The following ENOX2 variants were observed in gnomAD, a reference collection of about 807,000 sequenced individuals.
ENOX2 encodes ecto-NOX disulfide-thiol exchanger 2, also known as APK1 antigen.
Under a neutral mutation model 45.0 loss-of-function variants are expected in ENOX2, and 36 were observed. The ratio of observed to expected loss-of-function variants is 0.80; its 90% CI spans 0.61 to 1.06. The LOEUF (loss-of-function observed/expected upper bound fraction) is 1.06. Among genes scored for constraint, ENOX2 ranks in the 50% least tolerant of loss-of-function variants. ENOX2 has a pLI of 0.00. For missense variants in ENOX2, 423 were observed against 462.5 expected, an observed-to-expected ratio of 0.91 and a Z score of 0.78; for synonymous variants, 174 against 152.3, an observed-to-expected ratio of 1.14 and a Z score of -1.05.
intron 10 of ENOX2, among the ~76,000 whole-genome samples, chrX:130,638,801 A>G (rs1365239894): frequency 9.0e-6 from 1 of 111,270 alleles, no homozygotes; most frequent in Non-Finnish European, 1.9e-5. Flanking sequence ...TGTAATTAAC[A>G]AATTGCTGGA....
chrX:130,810,638 G>A (rs1049744025), intron 2 of ENOX2, among the ~76,000 whole-genome samples: 10 of 112,357 alleles, frequency 8.9e-5, no homozygotes, highest in African/African-American at 3.2e-4. Context: ...CAGGCACTAG[G>A]CTAGACCCCA....
chrX:130,767,250 G>T (rs2039638066), intron 3 of ENOX2, among the ~76,000 whole-genome samples: 1 of 111,268 alleles, frequency 9.0e-6, no homozygotes, highest in Non-Finnish European at 1.9e-5. Flanking sequence ...TTTATTATCT[G>T]CCCCACTCAC....
At chrX:130,862,005 CAGT>C (rs2148537626) in intron 2 of ENOX2, among the ~76,000 whole-genome samples, 1 of 111,752 alleles carries the variant, frequency 8.9e-6, no homozygotes, top group South Asian at 3.8e-4. Context: ...ACAAAAAAGA[CAGT>C]AGCCAGCATA....
At chrX:130,787,736 A>C (rs1452480428) in intron 2 of ENOX2, among the ~76,000 whole-genome samples, 3 of 112,095 alleles carry the variant, frequency 2.7e-5, no homozygotes, top group Non-Finnish European at 5.6e-5. Context: ...CACCAAATTA[A>C]GACTGAGATT....
intron 3 of ENOX2, among the ~76,000 whole-genome samples, chrX:130,769,020 G>A (rs911201882): frequency 1.8e-5 from 2 of 111,207 alleles, no homozygotes; most frequent in African/African-American, 3.3e-5. Context: ...AAAGGAAAAT[G>A]CACCCTCCGC....
Position 130,783,548 on chromosome X carries a change from T to G in ENOX2, c.-40A>C. ...ACAGTGCATTATCACCTAGCTTACC[T>G]GAAGGAGTATTTGTTCTCTTTCTTT... On this transcript the variant is annotated splice_region_variant and 5_prime_UTR_variant, in exon 3 of 15. Transcript: ENST00000394363. 6.1e-6 allele frequency: 2 copies of G among 330,291 alleles called. No individual in the cohort carries two copies. The highest frequency in any genetic ancestry group is 1.2e-5 in the Non-Finnish European group (2 of 169,709). The allele number at this position is 330,291 out of a possible 1,213,427, so 27.2% of individuals were successfully genotyped here.
intron 2 of ENOX2, among the ~76,000 whole-genome samples, chrX:130,787,690 T>A (rs781582718): frequency 8.9e-6 from 1 of 112,083 alleles, no homozygotes; most frequent in Admixed American, 9.5e-5. Flanking sequence ...AGGGATATAG[T>A]TATTTTATTA....
chrX:130,695,889 T>A (rs752097603), intron 4 of ENOX2, among the ~76,000 whole-genome samples: 3 of 111,828 alleles, frequency 2.7e-5, no homozygotes, highest in African/African-American at 9.7e-5. Flanking sequence ...TCTCTTCTAA[T>A]CTGAAGAGAG....
intron 4 of ENOX2, among the ~76,000 whole-genome samples, chrX:130,701,530 C>T (rs1264210730): frequency 1.8e-5 from 2 of 111,080 alleles, no homozygotes; most frequent in Non-Finnish European, 3.8e-5. Context: ...TTTTGAGTAC[C>T]TTCTATGTAC....
chrX:130,837,626 T>C (rs1203665861), intron 2 of ENOX2, among the ~76,000 whole-genome samples: 1 of 111,587 alleles, frequency 9.0e-6, no homozygotes, highest in Non-Finnish European at 1.9e-5. Context: ...TTCCCCTATA[T>C]GCTAGGCGAA....
At chrX:130,885,874 G>A (rs1437353246) in intron 2 of ENOX2, among the ~76,000 whole-genome samples, 4 of 111,865 alleles carry the variant, frequency 3.6e-5, no homozygotes, top group Non-Finnish European at 5.6e-5. Context: ...GACAATCTCT[G>A]GTTTTAACCG....
chrX:130,717,761 C>A (rs2038366310), intron 3 of ENOX2, among the ~76,000 whole-genome samples: 1 of 111,590 alleles, frequency 9.0e-6, no homozygotes, highest in Admixed American at 9.5e-5. Context: ...AACAACAATG[C>A]AATGAAATTT....
At chrX:130,649,894 CA>C (rs914383429) in intron 10 of ENOX2, among the ~76,000 whole-genome samples, 1 of 111,799 alleles carries the variant, frequency 8.9e-6, no homozygotes, top group Admixed American at 9.5e-5. Context: ...AACTATCTGC[CA>C]AACAGAGGAA....
At chrX:130,843,271 TCCA>T (rs1569312859) in intron 2 of ENOX2, among the ~76,000 whole-genome samples, 2 of 111,118 alleles carry the variant, frequency 1.8e-5, no homozygotes, top group African/African-American at 6.6e-5. Flanking sequence ...ATTCTCCATA[TCCA>T]GTAACCGAGC....
chrX:130,815,440 A>G (rs745880386), intron 2 of ENOX2, among the ~76,000 whole-genome samples: 1 of 111,828 alleles, frequency 8.9e-6, no homozygotes, highest in East Asian at 2.8e-4. Flanking sequence ...CCTAAGACAT[A>G]TAATCATCAG....
chrX:130,786,364 T>A (rs1482203164), intron 2 of ENOX2, among the ~76,000 whole-genome samples: 3 of 112,099 alleles, frequency 2.7e-5, no homozygotes, highest in African/African-American at 9.8e-5. Flanking sequence ...GAGGTTCTGA[T>A]TAATGACGGT....
At chrX:130,728,099 T>A (rs1364480491) in intron 3 of ENOX2, among the ~76,000 whole-genome samples, 1 of 111,571 alleles carries the variant, frequency 9.0e-6, no homozygotes, top group Non-Finnish European at 1.9e-5. Context: ...GTGGGTCCTG[T>A]GTGCTGGTGT....
chrX:130,800,196 G>GTC (rs1364417147), intron 2 of ENOX2, among the ~76,000 whole-genome samples: 1 of 111,181 alleles, frequency 9.0e-6, no homozygotes, highest in African/African-American at 3.3e-5. Flanking sequence ...AAAAATTCCT[G>GTC]TCTCTCTCTG....
chrX:130,858,011 G>A (rs914813178), intron 2 of ENOX2, among the ~76,000 whole-genome samples: 1 of 110,959 alleles, frequency 9.0e-6, no homozygotes, highest in Non-Finnish European at 1.9e-5. Flanking sequence ...ACGCATTTGA[G>A]GTTGGTATTA....
Sources: allele counts gnomAD v4.1 joint callset (sites outside exome capture counted in the v4.1 genomes callset), GRCh38; gene constraint gnomAD v4.1.1; transcripts MANE v1.5; gene names NCBI Gene and HGNC (gene_info 2026-07-23, HGNC 2026-07-21).